Variants in IGSF11 observed in about 807,000 individuals in gnomAD.
The protein encoded by IGSF11 is CXADR like 1.
Under a neutral mutation model 41.0 loss-of-function variants are expected in IGSF11, and 22 were observed. The ratio of observed to expected loss-of-function variants is 0.54; its 90% CI spans 0.38 to 0.77. IGSF11 has a LOEUF of 0.77. Among genes scored for constraint, IGSF11 ranks in the 30% least tolerant of loss-of-function variants. The probability of loss-of-function intolerance (pLI) is 0.00; values close to 1 mark genes in which losing one functional copy is unlikely to be tolerated. For synonymous variants in IGSF11, 219 were observed against 201.3 expected (o/e 1.09, Z -0.74); for missense variants, 444 against 530.8 (o/e 0.84, Z 1.61).
Position 119,056,851 on chromosome 3 carries a change from A to G in IGSF11, c.49+48293T>C, listed in dbSNP as rs989508390. Among the ~76,000 whole-genome samples the G allele has an allele frequency of 6.6e-5, 10 of 152,226 alleles. 1 individual carries two copies. Among genetic ancestry groups the G allele is most frequent in the African/African-American group, 2.4e-4 (10 of 41,456 alleles). On this transcript the variant is annotated intron_variant, in intron 1 of 6. Coordinates refer to the IGSF11 transcript ENST00000354673. ...ATCAATCAACTTAATCCAGCATATA[A>G]ACAGAACCAAAGACAAAAAACACAT...
intron 1 of IGSF11, among the ~76,000 whole-genome samples, chr3:118,940,044 A>C (rs1392736800): frequency 6.6e-6 from 1 of 152,196 alleles, no homozygotes; most frequent in Admixed American, 6.5e-5. Context: ...CAGACATTAA[A>C]AGAAGAACAA....
chr3:119,047,554 T>C (rs1268124234), intron 1 of IGSF11, among the ~76,000 whole-genome samples: 3 of 152,130 alleles, frequency 2.0e-5, no homozygotes, highest in African/African-American at 7.2e-5. Flanking sequence ...AATGGGAGAA[T>C]TTAACATCAC....
intron 1 of IGSF11, among the ~76,000 whole-genome samples, chr3:118,959,546 C>A (rs574740396): frequency 3.0e-4 from 45 of 152,284 alleles, no homozygotes; most frequent in African/African-American, 1.1e-3. Context: ...AAAGGACTAC[C>A]AAAGCCATTC....
chr3:118,962,148 A>C (rs1431661929), intron 1 of IGSF11, among the ~76,000 whole-genome samples: 1 of 152,222 alleles, frequency 6.6e-6, no homozygotes, highest in East Asian at 1.9e-4. Flanking sequence ...TAAATAATCA[A>C]TGAAAGAAAG....
At chr3:119,097,714 ACT>A in intron 1 of IGSF11, among the ~76,000 whole-genome samples, 1 of 151,888 alleles carries the variant, frequency 6.6e-6, no homozygotes, top group South Asian at 2.1e-4. Flanking sequence ...CTTTATTGAG[ACT>A]CCATTACAAA....
At chr3:119,102,514 C>G (rs1481705072) in intron 1 of IGSF11, among the ~76,000 whole-genome samples, 1 of 152,138 alleles carries the variant, frequency 6.6e-6, no homozygotes, top group Non-Finnish European at 1.5e-5. Context: ...GTTAACAATT[C>G]CATGTCAAGT....
At chr3:119,125,102 G>A (rs2077385104) in intron 1 of IGSF11, among the ~76,000 whole-genome samples, 1 of 152,098 alleles carries the variant, frequency 6.6e-6, no homozygotes. Flanking sequence ...GACTTTCCCC[G>A]ACAAACAAAA....
upstream of IGSF11, among the ~76,000 whole-genome samples, chr3:119,107,041 T>A (rs2077042988): frequency 2.6e-5 from 4 of 152,224 alleles, no homozygotes; most frequent in South Asian, 8.3e-4. Context: ...AGTGCCACAA[T>A]CAACATACGT....
chr3:119,031,576 T>C lies in IGSF11; in HGVS notation c.52+2955A>G, dbSNP rs115109592. Among the ~76,000 whole-genome samples, 703 of 152,356 alleles carry C rather than the reference T, an allele frequency of 4.6e-3. 8 individuals carry two copies. Among genetic ancestry groups the C allele is most frequent in the African/African-American group, 0.016 (679 of 41,578 alleles). ...AGCCAAAACAAGTACTTTTACCCCTTGCATCATTACCTTGTGTCTGACAAC... is the reference window on the plus strand; with the variant it reads ...AGCCAAAACAAGTACTTTTACCCCTCGCATCATTACCTTGTGTCTGACAAC... On this transcript the variant is annotated intron_variant, in intron 1 of 6. Coordinates refer to ENST00000393775, the MANE Select transcript of IGSF11 (RefSeq NM_001015887.3).
intron 1 of IGSF11, among the ~76,000 whole-genome samples, chr3:118,935,240 T>C (rs1287908869): frequency 6.9e-6 from 1 of 144,700 alleles, no homozygotes; most frequent in East Asian, 2.0e-4. Context: ...TATATACATA[T>C]ATATATGTAT....
At chr3:119,001,735 T>C (rs1936896046) in intron 1 of IGSF11, among the ~76,000 whole-genome samples, 1 of 150,240 alleles carries the variant, frequency 6.7e-6, no homozygotes, top group Non-Finnish European at 1.5e-5. Context: ...GGTTTTTTGT[T>C]CTTGTGATAG....
intron 1 of IGSF11, among the ~76,000 whole-genome samples, chr3:118,964,514 T>G (rs889337749): frequency 7.2e-5 from 11 of 152,030 alleles, no homozygotes; most frequent in African/African-American, 2.7e-4. Flanking sequence ...CACAAATTAT[T>G]TGCAGGAAAA....
chr3:118,963,425 T>G (rs1349174164), intron 1 of IGSF11, among the ~76,000 whole-genome samples: 1 of 152,142 alleles, frequency 6.6e-6, no homozygotes, highest in African/African-American at 2.4e-5. Flanking sequence ...TCAGAAGCAC[T>G]GAGGGCAGAA....
At chr3:119,139,195 A>G (rs1019105028) in intron 1 of IGSF11, among the ~76,000 whole-genome samples, 2 of 152,204 alleles carry the variant, frequency 1.3e-5, no homozygotes, top group African/African-American at 4.8e-5. Context: ...AATAGTTTAT[A>G]TATTTCCCGG....
upstream of IGSF11, among the ~76,000 whole-genome samples, chr3:119,038,584 T>C (rs1340048057): frequency 1.3e-5 from 2 of 152,176 alleles, no homozygotes; most frequent in Non-Finnish European, 2.9e-5. Context: ...TTAATTCTAA[T>C]AGCAAATTTA....
chr3:118,935,063 T>C (rs1469254391), intron 1 of IGSF11, among the ~76,000 whole-genome samples: 1 of 151,844 alleles, frequency 6.6e-6, no homozygotes, highest in East Asian at 1.9e-4. Context: ...TCTCACAAAG[T>C]AGTGTCAGAA....
chr3:118,973,298 T>A (rs1435364905), intron 1 of IGSF11, among the ~76,000 whole-genome samples: 1 of 152,210 alleles, frequency 6.6e-6, no homozygotes, highest in Non-Finnish European at 1.5e-5. Context: ...AACTGTTCTA[T>A]GTATAAGGCA....
intron 1 of IGSF11, among the ~76,000 whole-genome samples, chr3:119,093,411 T>C (rs895279980): frequency 6.6e-6 from 1 of 152,078 alleles, no homozygotes; most frequent in East Asian, 1.9e-4. Context: ...ACCCGTTTTT[T>C]TTTTTTTAAA....
intron 1 of IGSF11, among the ~76,000 whole-genome samples, chr3:119,021,184 G>A (rs527399384): frequency 7.2e-5 from 11 of 152,152 alleles, no homozygotes; most frequent in African/African-American, 2.4e-4. Flanking sequence ...GTGGTTATAC[G>A]ATGCAAAGGA....
Sources: gnomAD v4.1 joint callset for allele counts (sites outside exome capture counted in the v4.1 genomes callset) on GRCh38, gnomAD v4.1.1 for gene constraint, MANE v1.5 for transcripts, NCBI Gene and HGNC (gene_info 2026-07-23, HGNC 2026-07-21) for gene names.